GRM1: variants seen among roughly 807,000 people sequenced by gnomAD.
The protein encoded by GRM1 is glutamate metabotropic receptor 1.
A neutral mutation model predicts 90.9 loss-of-function variants in GRM1; 33 were observed. The observed-to-expected ratio is 0.36, with a 90% confidence interval of 0.28 to 0.49. The LOEUF (loss-of-function observed/expected upper bound fraction) is 0.49, where lower values mean the gene tolerates loss of function less well. Ranked by LOEUF, GRM1 falls within the 20% of genes least tolerant of loss-of-function variation. The probability of loss-of-function intolerance (pLI) is 0.99; values close to 1 mark genes in which losing one functional copy is unlikely to be tolerated. For synonymous variants in GRM1, 700 were observed against 613.2 expected (o/e 1.14, Z -2.09); for missense variants, 1,190 against 1,534.3 (o/e 0.78, Z 3.75).
At chr6:146,149,812 A>G (rs1777255784) in intron 1 of GRM1, among the ~76,000 whole-genome samples, 2 of 152,158 alleles carry the variant, frequency 1.3e-5, no homozygotes, top group Non-Finnish European at 2.9e-5. Flanking sequence ...CTTGGGTGCT[A>G]TACTTGTGCC....
intron 4 of GRM1, among the ~76,000 whole-genome samples, chr6:146,356,851 T>C (rs1303120044): frequency 6.6e-6 from 1 of 152,200 alleles, no homozygotes; most frequent in Non-Finnish European, 1.5e-5. Flanking sequence ...TGTATGTATA[T>C]AGTAATGATT....
rs1790632968 is a variant in GRM1 at position 146,029,487 on chromosome 6, C to G, written c.-31C>G. The G allele has an allele frequency of 6.4e-7, 1 of 1,557,564 alleles. No homozygotes were observed. Among genetic ancestry groups the G allele is most frequent in the Non-Finnish European group, 8.9e-7 (1 of 1,128,686 alleles). On this transcript the variant is annotated 5_prime_UTR_variant, in exon 1 of 8. Transcript: ENST00000282753. ...CAGCGGGACCAGCGTGGGAACGCGG[C>G]TGGCAGGCTGTGGACCTCGTCCTCA...
At chr6:146,297,501 T>G (rs1186331553) in intron 2 of GRM1, among the ~76,000 whole-genome samples, 2 of 152,158 alleles carry the variant, frequency 1.3e-5, no homozygotes, top group African/African-American at 4.8e-5. Context: ...CTACTTTTAA[T>G]GCAAAACGTC....
intron 3 of GRM1, among the ~76,000 whole-genome samples, chr6:146,333,265 T>A (rs1457439474): frequency 2.0e-5 from 3 of 152,158 alleles, no homozygotes; most frequent in Non-Finnish European, 4.4e-5. Context: ...CTGAGACCCT[T>A]CCTCATATGG....
chr6:146,233,565 A>G (rs1780519632), intron 2 of GRM1, among the ~76,000 whole-genome samples: 1 of 152,094 alleles, frequency 6.6e-6, no homozygotes, highest in Non-Finnish European at 1.5e-5. Flanking sequence ...CTCATGAGTT[A>G]TTTAAAAGGG....
At chr6:146,173,640 A>G (rs942107331) in intron 2 of GRM1, among the ~76,000 whole-genome samples, 1 of 150,498 alleles carries the variant, frequency 6.6e-6, no homozygotes, top group Non-Finnish European at 1.5e-5. Flanking sequence ...ATGGTTGAAA[A>G]TTGCAGAATA....
chr6:146,204,796 CT>C (rs1779437158), intron 2 of GRM1, among the ~76,000 whole-genome samples: 1 of 152,264 alleles, frequency 6.6e-6, no homozygotes, highest in East Asian at 1.9e-4. Context: ...AGCAGGGGCA[CT>C]TTTGTGCACG....
intron 2 of GRM1, among the ~76,000 whole-genome samples, chr6:146,206,992 C>A (rs1779518788): frequency 6.6e-6 from 1 of 152,172 alleles, no homozygotes; most frequent in African/African-American, 2.4e-5. Flanking sequence ...CTCATTCTTT[C>A]TAATGACTGC....
intron 5 of GRM1, among the ~76,000 whole-genome samples, chr6:146,381,928 A>C (rs1213379326): frequency 6.6e-6 from 1 of 152,166 alleles, no homozygotes; most frequent in Non-Finnish European, 1.5e-5. Flanking sequence ...TGTAGTCCCA[A>C]AGTGGACATT....
chr6:146,421,004 C>G (rs1777970213), intron 7 of GRM1, among the ~76,000 whole-genome samples: 1 of 152,094 alleles, frequency 6.6e-6, no homozygotes. Flanking sequence ...CATCTGATAT[C>G]TTTGAAAATT....
chr6:146,420,849 G>C (rs958739757), intron 7 of GRM1, among the ~76,000 whole-genome samples: 1 of 152,102 alleles, frequency 6.6e-6, no homozygotes, highest in African/African-American at 2.4e-5. Context: ...ACAGTTGACA[G>C]ATACAAAAAG....
At chr6:146,216,093 T>G (rs2114661627) in intron 2 of GRM1, among the ~76,000 whole-genome samples, 1 of 152,314 alleles carries the variant, frequency 6.6e-6, no homozygotes, top group South Asian at 2.1e-4. Context: ...TCTAGAAAAC[T>G]TGTTCTAAAA....
At chr6:146,236,921 A>G (rs987074906) in intron 2 of GRM1, among the ~76,000 whole-genome samples, 1 of 152,052 alleles carries the variant, frequency 6.6e-6, no homozygotes. Context: ...GAAGTGGGTC[A>G]AACTCCCCAA....
At chr6:146,183,520 A>T (rs148963743) in intron 2 of GRM1, among the ~76,000 whole-genome samples, 2 of 152,152 alleles carry the variant, frequency 1.3e-5, no homozygotes, top group Admixed American at 1.3e-4. Flanking sequence ...GTAAAGTAAA[A>T]ATGGTAGTTA....
At chr6:146,120,189 T>A (rs917267805) in intron 1 of GRM1, among the ~76,000 whole-genome samples, 1 of 152,222 alleles carries the variant, frequency 6.6e-6, no homozygotes, top group Non-Finnish European at 1.5e-5. Flanking sequence ...AGGTATTTTA[T>A]TCTCTTTGAA....
chr6:146,215,480 C>G (rs1298318261), intron 2 of GRM1, among the ~76,000 whole-genome samples: 1 of 152,096 alleles, frequency 6.6e-6, no homozygotes, highest in Non-Finnish European at 1.5e-5. Flanking sequence ...CTTGCCCTTG[C>G]AAGAAGCAAC....
At chr6:146,300,024 A>C (rs747508759) in intron 2 of GRM1, among the ~76,000 whole-genome samples, 2 of 152,230 alleles carry the variant, frequency 1.3e-5, no homozygotes, top group Non-Finnish European at 2.9e-5. Flanking sequence ...TATGGTTAAC[A>C]TTGTAAATAA....
chr6:146,240,566 T>G (rs1250006605), intron 2 of GRM1, among the ~76,000 whole-genome samples: 2 of 152,048 alleles, frequency 1.3e-5, no homozygotes, highest in African/African-American at 4.8e-5. Flanking sequence ...CCTCCTACTC[T>G]CTGATTTTCT....
At chr6:146,076,231 C>G (rs1776182886) in intron 1 of GRM1, among the ~76,000 whole-genome samples, 1 of 152,158 alleles carries the variant, frequency 6.6e-6, no homozygotes, top group African/African-American at 2.4e-5. Flanking sequence ...AACCAGGAGA[C>G]AGCCTGGTGA....
Sources: gnomAD v4.1 joint callset for allele counts (sites outside exome capture counted in the v4.1 genomes callset) on GRCh38, gnomAD v4.1.1 for gene constraint, MANE v1.5 for transcripts, NCBI Gene and HGNC (gene_info 2026-07-23, HGNC 2026-07-21) for gene names.